Variants in RANBP2 observed in about 807,000 individuals in gnomAD.
RANBP2 encodes the protein E3 SUMO-protein ligase RanBP2.
In RANBP2, 57 loss-of-function variants were observed where a neutral mutation model predicts 303.6. The ratio of observed to expected loss-of-function variants is 0.19; its 90% CI spans 0.15 to 0.23. The LOEUF (loss-of-function observed/expected upper bound fraction) is 0.23, where lower values mean the gene tolerates loss of function less well. Among genes scored for constraint, RANBP2 ranks in the 10% least tolerant of loss-of-function variants. RANBP2 has a pLI of 1.00. For missense variants in RANBP2, 3,138 were observed against 3,780.8 expected, an observed-to-expected ratio of 0.83 and a Z score of 4.46; for synonymous variants, 1,167 against 1,301.5, an observed-to-expected ratio of 0.90 and a Z score of 2.23.
the RANBP2 span, among the ~76,000 whole-genome samples, chr2:109,500,875 G>A: frequency 6.6e-6 from 1 of 152,162 alleles, no homozygotes; most frequent in Admixed American, 6.5e-5. Flanking sequence ...ACTTGAGCCT[G>A]GGAGCTCAAG....
At chr2:109,390,779 G>A in the RANBP2 span, among the ~76,000 whole-genome samples, 1 of 152,194 alleles carries the variant, frequency 6.6e-6, no homozygotes, top group Non-Finnish European at 1.5e-5. Context: ...GCCTCACAGG[G>A]GCGGTCGCTT....
chr2:109,580,850 C>T, the RANBP2 span, among the ~76,000 whole-genome samples: 4 of 152,192 alleles, frequency 2.6e-5, no homozygotes, highest in Non-Finnish European at 5.9e-5. Flanking sequence ...ACAAGTGTCC[C>T]GGGCAGAGCG....
chr2:109,073,395 A>G, the RANBP2 span, among the ~76,000 whole-genome samples: 1 of 152,226 alleles, frequency 6.6e-6, no homozygotes, highest in African/African-American at 2.4e-5. Context: ...AGGGCCAGGC[A>G]CAGTGGCTCA....
At chr2:108,855,443 C>G in the RANBP2 span, among the ~76,000 whole-genome samples, 1 of 151,270 alleles carries the variant, frequency 6.6e-6, no homozygotes. Context: ...TAAAGAGTTG[C>G]GTTCAGGCTT....
chr2:109,539,416 T>C, the RANBP2 span, among the ~76,000 whole-genome samples: 1 of 152,126 alleles, frequency 6.6e-6, no homozygotes, highest in Non-Finnish European at 1.5e-5. Context: ...AGGTTTCACG[T>C]GTACCTTGAA....
At chr2:109,114,323 C>T in the RANBP2 span, among the ~76,000 whole-genome samples, 1 of 152,164 alleles carries the variant, frequency 6.6e-6, no homozygotes, top group Non-Finnish European at 1.5e-5. Context: ...TGTTATTGGT[C>T]TATTCAGAGA....
At chr2:109,435,835 T>G in the RANBP2 span, among the ~76,000 whole-genome samples, 24 of 152,322 alleles carry the variant, frequency 1.6e-4, no homozygotes, top group East Asian at 1.7e-3. Context: ...GATTTTTAAA[T>G]TCATGGTTTT....
the RANBP2 span, chr2:109,545,678 T>A: frequency 1.4e-6 from 2 of 1,467,594 alleles, no homozygotes; most frequent in Non-Finnish European, 1.8e-6. Context: ...TATTTAGACA[T>A]GAAATTCAAA....
chr2:109,334,706 T>G, the RANBP2 span, among the ~76,000 whole-genome samples: 1 of 152,180 alleles, frequency 6.6e-6, no homozygotes, highest in Non-Finnish European at 1.5e-5. Flanking sequence ...GAGAAAAAGC[T>G]GCAATATGCC....
chr2:108,858,726 G>A, the RANBP2 span, among the ~76,000 whole-genome samples: 3 of 151,502 alleles, frequency 2.0e-5, no homozygotes, highest in African/African-American at 7.3e-5. Flanking sequence ...TTAGATTTAG[G>A]GGGTACATGT....
the RANBP2 span, among the ~76,000 whole-genome samples, chr2:109,429,020 G>C: frequency 6.6e-6 from 1 of 152,202 alleles, no homozygotes; most frequent in African/African-American, 2.4e-5. Context: ...GTCCTGACAG[G>C]ACTCAACTCA....
At chr2:109,649,702 T>G in the RANBP2 span, among the ~76,000 whole-genome samples, 5 of 152,202 alleles carry the variant, frequency 3.3e-5, no homozygotes, top group African/African-American at 1.2e-4. Context: ...CCAGCCAGTA[T>G]TTTGAATTTT....
chr2:109,228,596 A>G, the RANBP2 span, among the ~76,000 whole-genome samples: 20 of 152,146 alleles, frequency 1.3e-4, no homozygotes, highest in African/African-American at 4.6e-4. Context: ...TTCACTTCAG[A>G]GGCCAGTTGC....
the RANBP2 span, among the ~76,000 whole-genome samples, chr2:109,205,400 T>C: frequency 6.6e-6 from 1 of 151,964 alleles, no homozygotes; most frequent in African/African-American, 2.4e-5. Context: ...CATGCCTAGA[T>C]AATTTTTTGT....
At chr2:108,727,603 ATTT>A (rs34554578) in intron 1 of RANBP2, among the ~76,000 whole-genome samples, 2 of 119,736 alleles carry the variant, frequency 1.7e-5, no homozygotes, top group African/African-American at 3.6e-5. Context: ...TTGTATCAGC[ATTT>A]TTTTTTTTTT....
chr2:109,215,891 T>C, the RANBP2 span, among the ~76,000 whole-genome samples: 1 of 152,032 alleles, frequency 6.6e-6, no homozygotes, highest in South Asian at 2.1e-4. Flanking sequence ...GCATACAGAG[T>C]GGGGTCCACA....
the RANBP2 span, among the ~76,000 whole-genome samples, chr2:108,800,802 A>C: frequency 2.2e-5 from 2 of 89,458 alleles, no homozygotes; most frequent in Non-Finnish European, 2.2e-5. Context: ...CACAGTCCCC[A>C]GAGTGTGATA....
the RANBP2 span, among the ~76,000 whole-genome samples, chr2:109,094,725 G>C: frequency 6.6e-6 from 1 of 152,100 alleles, no homozygotes; most frequent in African/African-American, 2.4e-5. Flanking sequence ...AGCTATTCAG[G>C]AGGCTGAGGC....
the RANBP2 span, among the ~76,000 whole-genome samples, chr2:109,250,805 T>G: frequency 6.6e-6 from 1 of 152,048 alleles, no homozygotes; most frequent in Non-Finnish European, 1.5e-5. Context: ...AATTAGGATT[T>G]TCAGAATTTT....
Sources: gnomAD v4.1 joint callset for allele counts (sites outside exome capture counted in the v4.1 genomes callset) on GRCh38, gnomAD v4.1.1 for gene constraint, MANE v1.5 for transcripts, NCBI Gene and HGNC (gene_info 2026-07-23, HGNC 2026-07-21) for gene names.